The following ZNF334 variants were observed in gnomAD, a reference collection of about 807,000 sequenced individuals.
The protein encoded by ZNF334 is zinc finger protein 334.
ZNF334 carries 14 observed loss-of-function variants against 12.4 expected under a neutral mutation model. The ratio of observed to expected loss-of-function variants is 1.13; its 90% CI spans 0.74 to 1.76. The LOEUF (loss-of-function observed/expected upper bound fraction) is 1.76. Among genes scored for constraint, ZNF334 ranks in the 40% most tolerant of loss-of-function variants. The pLI, the probability that ZNF334 is intolerant of heterozygous loss-of-function variation, is 0.00. For synonymous variants in ZNF334, 273 were observed against 269.6 expected, an observed-to-expected ratio of 1.01 and a Z score of -0.12; for missense variants, 797 against 804.5, an observed-to-expected ratio of 0.99 and a Z score of 0.11.
At position 46,512,993 on chromosome 20, in the gene ZNF334, T is replaced by C. The variant is rs2061707191; in HGVS notation, c.-492A>G. 6.6e-6 allele frequency: 1 copy of C among 152,082 alleles called. No homozygotes were observed. Among genetic ancestry groups the C allele is most frequent in the South Asian group, 2.1e-4 (1 of 4,822 alleles). 9.4% of individuals were successfully genotyped at this position (152,082 alleles called of 1,614,324 possible). A position where few individuals can be genotyped will look rare whatever the true frequency, so the allele number is the denominator to read the frequency against. On this transcript the variant is annotated 5_prime_UTR_variant, in exon 1 of 5. The change abolishes an upstream ATG in the 5' untranslated region. Transcript: ENST00000692313. ...TGTTTAGGAAGTGATGAAGACATCA[T>C]TTCCTTATTTATAACCAGTACTCCT...
intron 2 of ZNF334, among the ~76,000 whole-genome samples, chr20:46,508,347 T>C (rs915736501): frequency 1.3e-5 from 2 of 152,186 alleles, no homozygotes. Context: ...AGACAGATAA[T>C]GACCAGACCC....
At chr20:46,506,618 CA>C (rs879686105) in intron 2 of ZNF334, 33 of 318,814 alleles carry the variant, frequency 1.0e-4, no homozygotes, top group Middle Eastern at 1.7e-3. Context: ...GACCTCATCT[CA>C]AAAAAACAAA....
the ZNF334 span, chr20:46,477,035 G>C: frequency 6.6e-6 from 1 of 152,198 alleles, no homozygotes; most frequent in African/African-American, 2.4e-5. Context: ...GTGGATGCGT[G>C]ATAGGAGACT....
the ZNF334 span, among the ~76,000 whole-genome samples, chr20:46,488,239 GA>G: frequency 1.3e-5 from 2 of 148,350 alleles, no homozygotes; most frequent in East Asian, 2.0e-4. Context: ...ATTTTGGATT[GA>G]TTTTTTTTTT....
At chr20:46,475,411 T>C in the ZNF334 span, among the ~76,000 whole-genome samples, 483 of 152,230 alleles carry the variant, frequency 3.2e-3, no homozygotes, top group Non-Finnish European at 5.7e-3. Flanking sequence ...TAAAAGAAGA[T>C]ATTTATAAAT....
chr20:46,472,018 C>T, the ZNF334 span, among the ~76,000 whole-genome samples: 2 of 152,296 alleles, frequency 1.3e-5, no homozygotes, highest in Admixed American at 6.5e-5. Flanking sequence ...CAAATCTTGA[C>T]ATCTTTACAA....
downstream of ZNF334, among the ~76,000 whole-genome samples, chr20:46,495,733 G>T (rs1244691881): frequency 1.3e-5 from 2 of 152,174 alleles, no homozygotes; most frequent in Non-Finnish European, 2.9e-5. Flanking sequence ...TGGGATGCAC[G>T]TGTGTTTCCA....
the ZNF334 span, among the ~76,000 whole-genome samples, chr20:46,483,339 G>A: frequency 2.0e-5 from 3 of 150,968 alleles, no homozygotes; most frequent in Non-Finnish European, 4.4e-5. Context: ...GTTCCTTGTT[G>A]GTTATACAAC....
the ZNF334 span, among the ~76,000 whole-genome samples, chr20:46,470,666 T>C: frequency 6.6e-6 from 1 of 152,238 alleles, no homozygotes; most frequent in East Asian, 1.9e-4. Context: ...AACACTCCAT[T>C]TTACGCATCT....
chr20:46,472,214 C>A, the ZNF334 span, among the ~76,000 whole-genome samples: 4,438 of 152,288 alleles, frequency 0.029, 97 homozygotes, highest in Non-Finnish European at 0.046. Flanking sequence ...TGCTACTCCA[C>A]CCCTTGCGGA....
chr20:46,507,097 G>C (rs1014542363), intron 2 of ZNF334, among the ~76,000 whole-genome samples: 5 of 151,322 alleles, frequency 3.3e-5, no homozygotes, highest in Admixed American at 1.3e-4. Flanking sequence ...CTGGGTAACA[G>C]AGCAAAACCC....
At position 46,501,071 on chromosome 20, in the gene ZNF334, C is replaced by A; in HGVS notation, c.*225G>T. On this transcript the variant is annotated 3_prime_UTR_variant, in exon 5 of 5. Transcript: ENST00000692313. ...CACATTTGGCATAACCTTTGAATTG[C>A]TGTTGAATATTTTCATAGTTCACAA... 1 of 496,524 alleles carries A rather than the reference C, an allele frequency of 2.0e-6. No individual in the cohort carries two copies. The allele number at this position is 496,524 out of a possible 1,614,324, so 30.8% of individuals were successfully genotyped here.
At position 46,504,577 on chromosome 20, in the gene ZNF334, T is replaced by C. The variant is rs762337399; in HGVS notation, c.148+37A>G. The C allele has an allele frequency of 3.7e-5, 58 of 1,552,910 alleles. No individual in the cohort carries two copies. The East Asian group carries it at 1.3e-3, about 34-fold the overall frequency. On this transcript the variant is annotated intron_variant, in intron 3 of 4. Coordinates refer to ENST00000692313, the MANE Select transcript of ZNF334 (RefSeq NM_001353824.2). ...ATGTTTTTGTAACACAGAAGAAATG[T>C]ATGCTCTTGGGAGTTGTACAGGGAA...
chr20:46,482,415 G>A, the ZNF334 span, among the ~76,000 whole-genome samples: 3 of 152,240 alleles, frequency 2.0e-5, no homozygotes, highest in South Asian at 2.1e-4. Flanking sequence ...AATCATAAAC[G>A]AATTTACCAA....
Position 46,504,666 on chromosome 20 carries a change from C to T in ZNF334, c.96G>A (p.Arg32=), listed in dbSNP as rs746526118. ...EEWQQLDPAQ[R]LLYRDVMLEN... is the part of the protein sequence containing the mutation. ...CCAGCATCACATCCCTGTACAGGAG[C>T]CTCTGAGCAGGGTCCAGTTGCTGCC... The change falls in exon 3 of 5, where the codon AGG becomes AGA. Residue 32 remains arginine (R), a synonymous_variant. Coordinates refer to ENST00000692313, the MANE Select transcript of ZNF334 (RefSeq NM_001353824.2). 2 of 1,612,228 alleles carry T rather than the reference C, an allele frequency of 1.2e-6. No homozygotes were observed. The highest frequency in any genetic ancestry group is 1.3e-5 in the African/African-American group (1 of 74,732).
chr20:46,471,478 A>G, the ZNF334 span, among the ~76,000 whole-genome samples: 1 of 152,170 alleles, frequency 6.6e-6, no homozygotes, highest in Non-Finnish European at 1.5e-5. Flanking sequence ...CAAATTTATC[A>G]ATCTTTTCCT....
At chr20:46,494,275 T>C in the ZNF334 span, among the ~76,000 whole-genome samples, 9 of 152,208 alleles carry the variant, frequency 5.9e-5, no homozygotes, top group South Asian at 2.1e-4. Flanking sequence ...ATAGTTAGGA[T>C]TGGCCTCAAT....
At chr20:46,482,550 T>G in the ZNF334 span, among the ~76,000 whole-genome samples, 22 of 152,352 alleles carry the variant, frequency 1.4e-4, no homozygotes, top group East Asian at 4.0e-3. Flanking sequence ...ATGTATGATC[T>G]TTTTAACAAT....
chr20:46,496,267 G>C (rs1298184136), downstream of ZNF334, among the ~76,000 whole-genome samples: 3 of 152,174 alleles, frequency 2.0e-5, no homozygotes, highest in Non-Finnish European at 4.4e-5. Context: ...TGCTGTAACA[G>C]TGTCAGCTTT....
Sources: gnomAD v4.1 joint callset for allele counts (sites outside exome capture counted in the v4.1 genomes callset) on GRCh38, gnomAD v4.1.1 for gene constraint, MANE v1.5 for transcripts, NCBI Gene and HGNC (gene_info 2026-07-23, HGNC 2026-07-21) for gene names.